ZNF804B: variants seen among roughly 807,000 people sequenced by gnomAD.
ZNF804B encodes zinc finger 804B.
A neutral mutation model predicts 101.4 loss-of-function variants in ZNF804B; 80 were observed. The observed-to-expected ratio is 0.79, with a 90% CI of 0.66 to 0.95. The LOEUF is 0.95. Ranked by LOEUF, ZNF804B falls within the 40% of genes least tolerant of loss-of-function variation. The pLI, the probability that ZNF804B is intolerant of heterozygous loss-of-function variation, is 0.00. For missense variants in ZNF804B, 1,673 were observed against 1,561.9 expected (o/e 1.07, Z -1.20); for synonymous variants, 622 against 558.8 (o/e 1.11, Z -1.59).
At chr7:88,858,882 T>G (rs887461636) in intron 1 of ZNF804B, among the ~76,000 whole-genome samples, 1 of 152,070 alleles carries the variant, frequency 6.6e-6, no homozygotes, top group Non-Finnish European at 1.5e-5. Context: ...GTTTTTCTGG[T>G]TCTATAGCTA....
At chr7:88,907,336 A>C (rs1241190553) in intron 1 of ZNF804B, among the ~76,000 whole-genome samples, 12 of 151,918 alleles carry the variant, frequency 7.9e-5, no homozygotes, top group African/African-American at 2.9e-4. Flanking sequence ...ATTTAAATTC[A>C]GAGTTAATAT....
intron 1 of ZNF804B, among the ~76,000 whole-genome samples, chr7:88,763,655 A>G (rs1789933035): frequency 6.6e-6 from 1 of 152,062 alleles, no homozygotes; most frequent in East Asian, 1.9e-4. Flanking sequence ...TTCTACCACA[A>G]TTTATACCTA....
chr7:89,331,475 G>T (rs1255316741), intron 3 of ZNF804B, among the ~76,000 whole-genome samples: 1 of 151,678 alleles, frequency 6.6e-6, no homozygotes, highest in African/African-American at 2.4e-5. Flanking sequence ...AGATTAATGT[G>T]ATGAATAAGA....
intron 1 of ZNF804B, among the ~76,000 whole-genome samples, chr7:89,064,674 A>G (rs1583965158): frequency 1.3e-5 from 2 of 152,282 alleles, no homozygotes; most frequent in East Asian, 3.9e-4. Context: ...TCATGTGCAC[A>G]GTAAGATATT....
At chr7:89,120,557 C>T (rs1790387823) in intron 1 of ZNF804B, among the ~76,000 whole-genome samples, 2 of 145,406 alleles carry the variant, frequency 1.4e-5, no homozygotes, top group African/African-American at 5.2e-5. Context: ...CCTCAGGAGG[C>T]TGAGGCAGGA....
chr7:89,202,273 T>G (rs1562914312), intron 1 of ZNF804B, among the ~76,000 whole-genome samples: 1 of 152,108 alleles, frequency 6.6e-6, no homozygotes, highest in Non-Finnish European at 1.5e-5. Context: ...CCCTCCTATA[T>G]CAGAGAAAGG....
intron 1 of ZNF804B, among the ~76,000 whole-genome samples, chr7:88,808,684 C>T (rs552370822): frequency 1.6e-4 from 25 of 152,160 alleles, no homozygotes; most frequent in African/African-American, 5.8e-4. Flanking sequence ...AAATTTTGGT[C>T]CTCCTGGAAA....
At chr7:88,903,992 A>G (rs535210174) in intron 1 of ZNF804B, among the ~76,000 whole-genome samples, 6 of 152,254 alleles carry the variant, frequency 3.9e-5, no homozygotes, top group African/African-American at 9.6e-5. Flanking sequence ...TTTTGTTGCA[A>G]TTGCTTTTGG....
chr7:89,324,765 G>A (rs1355412397), intron 2 of ZNF804B, among the ~76,000 whole-genome samples: 2 of 149,832 alleles, frequency 1.3e-5, no homozygotes, highest in African/African-American at 5.0e-5. Flanking sequence ...AGTTTCAACT[G>A]CTATTACATC....
At chr7:89,234,606 G>T (rs1789250211) in intron 2 of ZNF804B, among the ~76,000 whole-genome samples, 1 of 152,152 alleles carries the variant, frequency 6.6e-6, no homozygotes, top group African/African-American at 2.4e-5. Flanking sequence ...AGGACCAATA[G>T]AAACAAGCAG....
intron 1 of ZNF804B, among the ~76,000 whole-genome samples, chr7:89,153,024 A>G (rs2116407840): frequency 6.6e-6 from 1 of 152,248 alleles, no homozygotes; most frequent in East Asian, 1.9e-4. Context: ...ATTATAAAAT[A>G]ATATTATTAT....
intron 1 of ZNF804B, among the ~76,000 whole-genome samples, chr7:89,057,865 C>G (rs1789320909): frequency 1.3e-5 from 2 of 151,964 alleles, no homozygotes; most frequent in African/African-American, 4.8e-5. Flanking sequence ...TCAAGGGATC[C>G]TAATTTCAAA....
intron 2 of ZNF804B, among the ~76,000 whole-genome samples, chr7:89,317,971 A>G (rs1790759807): frequency 6.6e-6 from 1 of 152,224 alleles, no homozygotes; most frequent in South Asian, 2.1e-4. Context: ...TATGTAGCAG[A>G]TTCAACAGAA....
In ZNF804B at chr7:89,245,147, C is replaced by T. The variant is rs4727199; in HGVS notation, c.249+26852C>T. 2.4e-3 allele frequency among the ~76,000 whole-genome samples: 359 copies of T among 152,130 alleles called. 6 individuals carry two copies. The highest frequency in any genetic ancestry group is 0.018 in the Admixed American group (274 of 15,272). ...AGATGTTAACATACTGAAAATATTA[C>T]AACCAAAATTACAAACATAACTATG... On this transcript the variant is annotated intron_variant, in intron 2 of 3. Coordinates refer to ENST00000333190, the MANE Select transcript of ZNF804B (RefSeq NM_181646.5).
intron 1 of ZNF804B, among the ~76,000 whole-genome samples, chr7:88,845,055 G>C (rs1239639834): frequency 1.3e-5 from 2 of 152,112 alleles, no homozygotes; most frequent in Non-Finnish European, 2.9e-5. Flanking sequence ...ATCCCATGAA[G>C]ATCAGGATTT....
At chr7:89,307,649 T>C (rs905242316) in intron 2 of ZNF804B, among the ~76,000 whole-genome samples, 52 of 152,082 alleles carry the variant, frequency 3.4e-4, no homozygotes, top group African/African-American at 1.1e-3. Context: ...GAGCTATATA[T>C]GTAAAGTTTT....
At chr7:88,855,841 G>A (rs1791547695) in intron 1 of ZNF804B, among the ~76,000 whole-genome samples, 2 of 152,252 alleles carry the variant, frequency 1.3e-5, no homozygotes, top group South Asian at 2.1e-4. Context: ...AGTTTTCCCA[G>A]CACCATTTAT....
chr7:89,168,682 CTTT>C (rs372503661), intron 1 of ZNF804B, among the ~76,000 whole-genome samples: 3 of 115,742 alleles, frequency 2.6e-5, no homozygotes, highest in African/African-American at 6.5e-5. Flanking sequence ...GAGCTGAATA[CTTT>C]TTTTTTTTTT....
Position 88,759,888 on chromosome 7 carries a change from A to T in ZNF804B, c.-89A>T. 9.7e-7 allele frequency: 1 copy of T among 1,029,638 alleles called. No individual in the cohort carries two copies. The highest frequency in any genetic ancestry group is 1.5e-6 in the Non-Finnish European group (1 of 660,448). 63.8% of individuals were successfully genotyped at this position (1,029,638 alleles called of 1,614,324 possible). ...TGGCCGCGTCTTCTCGGGAGGTGGT[A>T]GTCGCTGTTGCCGCTGAGAAACCCG... On this transcript the variant is annotated 5_prime_UTR_variant, in exon 1 of 4. Transcript: ENST00000333190.
Sources: allele counts gnomAD v4.1 joint callset (sites outside exome capture counted in the v4.1 genomes callset), GRCh38; gene constraint gnomAD v4.1.1; transcripts MANE v1.5; gene names NCBI Gene and HGNC (gene_info 2026-07-23, HGNC 2026-07-21).